The following PJA2 variants were observed in gnomAD, a reference collection of about 807,000 sequenced individuals.
The protein encoded by PJA2 is praja ring finger ubiquitin ligase 2.
A neutral mutation model predicts 69.3 loss-of-function variants in PJA2; 25 were observed. The observed-to-expected ratio is 0.36, with a 90% CI of 0.26 to 0.50. The LOEUF (loss-of-function observed/expected upper bound fraction) is 0.50. PJA2 is among the 20% of genes least tolerant of loss of function. The pLI is 0.96. For missense variants in PJA2, 809 were observed against 830.2 expected (o/e 0.97, Z 0.31); for synonymous variants, 308 against 277.8 (o/e 1.11, Z -1.08).
At chr5:109,376,462 A>T (rs933881365) in intron 4 of PJA2, among the ~76,000 whole-genome samples, 3 of 151,992 alleles carry the variant, frequency 2.0e-5, no homozygotes, top group African/African-American at 7.2e-5. Flanking sequence ...AGCCAGGAAG[A>T]CTACCTTTCT....
chr5:109,366,004 A>G (rs1027701960), intron 5 of PJA2, among the ~76,000 whole-genome samples: 1 of 152,192 alleles, frequency 6.6e-6, no homozygotes, highest in Non-Finnish European at 1.5e-5. Context: ...TTGAAAATGT[A>G]CTAATTTATT....
intron 3 of PJA2, among the ~76,000 whole-genome samples, 187 bp from the exon 4 acceptor site, chr5:109,379,441 T>A (rs1313669370): frequency 4.6e-5 from 7 of 152,222 alleles, no homozygotes; most frequent in South Asian, 2.1e-4. Context: ...AGTTCATTTA[T>A]GTCAATGTAC....
At chr5:109,380,257 C>A (rs903341667) in intron 3 of PJA2, among the ~76,000 whole-genome samples, 7 of 151,766 alleles carry the variant, frequency 4.6e-5, no homozygotes, top group African/African-American at 1.2e-4. Flanking sequence ...TGGGATGACC[C>A]TAGCTAGTAA....
At chr5:109,395,201 G>A (rs745663418) in intron 1 of PJA2, among the ~76,000 whole-genome samples, 104 of 152,162 alleles carry the variant, frequency 6.8e-4, no homozygotes, top group Admixed American at 1.2e-3. Context: ...GAGAAATAAC[G>A]TTGACAAGAA....
chr5:109,353,530 TATA>T (rs202147198), intron 7 of PJA2, among the ~76,000 whole-genome samples: 1,615 of 122,322 alleles, frequency 0.013, 29 homozygotes, highest in African/African-American at 0.064. Flanking sequence ...ATTAGATATC[TATA>T]ATATCATAGA....
chr5:109,406,282 C>T lies in PJA2; in HGVS notation c.-88+3560G>A, dbSNP rs188273550. Among the ~76,000 whole-genome samples the T allele has an allele frequency of 6.6e-5, 10 of 152,228 alleles. No homozygotes were observed. The East Asian group carries it at 1.9e-3, about 29-fold the overall frequency. On this transcript the variant is annotated intron_variant, in intron 1 of 9. Transcript: ENST00000361189. ...GTCTGGATCTCCTGACCTCGTGATC[C>T]GCCTGCCTCGGACTCCCAAAGTGCT...
At chr5:109,399,536 G>A (rs1747491613) in intron 1 of PJA2, among the ~76,000 whole-genome samples, 1 of 152,172 alleles carries the variant, frequency 6.6e-6, no homozygotes, top group African/African-American at 2.4e-5. Context: ...GTAACACTAA[G>A]CACAATGCAA....
At chr5:109,369,305 CTATT>C (rs1472140369) in intron 4 of PJA2, among the ~76,000 whole-genome samples, 1 of 152,144 alleles carries the variant, frequency 6.6e-6, no homozygotes, top group Non-Finnish European at 1.5e-5. Context: ...AATCTTCAGA[CTATT>C]AAACAAATAA....
At position 109,368,639 on chromosome 5, in the gene PJA2, T is replaced by A. The variant is rs1426407317; in HGVS notation, c.1391A>T (p.Lys464Ile). ...SDESWETLPG[K>I]DENEPELQSD... ...TTGTAGCTCAGGTTCATTCTCATCT[T>A]TTCCTGGCAGAGTCTCCCAGCTTTC... Residue 464 changes from lysine (K) to isoleucine (I), a missense_variant, in exon 5 of 10, where the codon AAA (lysine) becomes ATA (isoleucine). Around this residue, in one of 4 missense-constraint regions of PJA2, gnomAD observed 700 missense variants for 639.5 expected, o/e 1.09. Transcript: ENST00000361189. The A allele has an allele frequency of 6.2e-7, 1 of 1,614,188 alleles. No homozygotes were observed. Among genetic ancestry groups the A allele is most frequent in the Non-Finnish European group, 8.5e-7 (1 of 1,180,032 alleles).
chr5:109,397,666 C>T (rs1279324039), intron 1 of PJA2, among the ~76,000 whole-genome samples: 2 of 152,020 alleles, frequency 1.3e-5, no homozygotes, highest in African/African-American at 4.8e-5. Flanking sequence ...TTACAGGCAC[C>T]CGCCACTACG....
chr5:109,400,296 A>G (rs1747509744), intron 1 of PJA2, among the ~76,000 whole-genome samples: 1 of 151,850 alleles, frequency 6.6e-6, no homozygotes, highest in African/African-American at 2.4e-5. Context: ...CTCAAAAAAA[A>G]AAAAAGAAAA....
intron 9 of PJA2, among the ~76,000 whole-genome samples, chr5:109,343,336 G>A (rs1361481728): frequency 5.7e-5 from 3 of 52,720 alleles, no homozygotes; most frequent in Non-Finnish European, 1.0e-4. Flanking sequence ...TAAATAAAGA[G>A]AGATAATGTA....
chr5:109,355,031 G>A (rs1205820872), intron 7 of PJA2, among the ~76,000 whole-genome samples: 1 of 152,076 alleles, frequency 6.6e-6, no homozygotes. Flanking sequence ...GGCTAAGGTG[G>A]GCTGATTGCT....
At chr5:109,382,479 TTAGTCAATTATACATTA>T (rs1278791588) in intron 2 of PJA2, among the ~76,000 whole-genome samples, 4 of 152,204 alleles carry the variant, frequency 2.6e-5, no homozygotes, top group East Asian at 3.8e-4. Context: ...GTAAGTCTGC[TTAGTCAATTATACATTA>T]CATGTACTAC....
At chr5:109,357,308 AAT>A (rs1217204800) in intron 6 of PJA2, among the ~76,000 whole-genome samples, 1 of 152,192 alleles carries the variant, frequency 6.6e-6, no homozygotes, top group African/African-American at 2.4e-5. Context: ...CTAGCTCAAA[AAT>A]AGTTTTGATG....
At chr5:109,407,386 G>C (rs1747717107) in intron 1 of PJA2, among the ~76,000 whole-genome samples, 1 of 152,128 alleles carries the variant, frequency 6.6e-6, no homozygotes, top group Admixed American at 6.5e-5. Flanking sequence ...GGAAAGCCAA[G>C]ACTAGAAGGA....
intron 3 of PJA2, among the ~76,000 whole-genome samples, chr5:109,380,582 C>T (rs553421080): frequency 2.7e-4 from 41 of 151,932 alleles, no homozygotes; most frequent in African/African-American, 6.3e-4. Context: ...CTGAGTTGGA[C>T]GGACCACTTG....
In PJA2 at chr5:109,335,532, CCAGT is replaced by C. The variant is rs1000065359; in HGVS notation, c.*1695_*1698del. On this transcript the variant is annotated 3_prime_UTR_variant, in exon 10 of 10. Transcript: ENST00000361189. ...GAAATCTTTAGCAACGTAAGTTTAA[CCAGT>C]AAGTGTCACAACTGATCAACAGTAC... 3 of 152,126 alleles carry C rather than the reference CCAGT, an allele frequency of 2.0e-5. No homozygotes were observed. The highest frequency in any genetic ancestry group is 7.2e-5 in the African/African-American group (3 of 41,416). The allele number at this position is 152,126 out of a possible 1,614,324, so 9.4% of individuals were successfully genotyped here. A position where few individuals can be genotyped will look rare whatever the true frequency, so the allele number is the denominator to read the frequency against.
chr5:109,382,041 C>G (rs1200509291), intron 2 of PJA2, among the ~76,000 whole-genome samples: 20 of 151,906 alleles, frequency 1.3e-4, no homozygotes, highest in Admixed American at 1.3e-3. Flanking sequence ...TATGGGAGAT[C>G]TTCCAAATTA....
Sources: allele counts gnomAD v4.1 joint callset (sites outside exome capture counted in the v4.1 genomes callset), GRCh38; gene constraint gnomAD v4.1.1; regional missense constraint gnomAD v4.1.1; transcripts MANE v1.5; gene names NCBI Gene and HGNC (gene_info 2026-07-23, HGNC 2026-07-21).